TRMT11: variants seen among roughly 807,000 people sequenced by gnomAD.
TRMT11 encodes tRNA methyltransferase 11.
TRMT11 carries 53 observed loss-of-function variants against 62.8 expected under a neutral mutation model. That is an observed-to-expected ratio of 0.84 (90% CI 0.68 to 1.06). TRMT11 has a LOEUF of 1.06. Among genes scored for constraint, TRMT11 ranks in the 50% least tolerant of loss-of-function variants. The pLI is 0.00. For synonymous variants in TRMT11, 188 were observed against 190.3 expected, an observed-to-expected ratio of 0.99 and a Z score of 0.10; for missense variants, 556 against 553.4, an observed-to-expected ratio of 1.00 and a Z score of -0.05.
In TRMT11 at chr6:125,995,964, T is replaced by A. The variant is rs949766398; in HGVS notation, c.139-3T>A. 6.3e-7 allele frequency: 1 copy of A among 1,592,206 alleles called. No homozygotes were observed. The highest frequency in any genetic ancestry group is 1.3e-5 in the African/African-American group (1 of 74,472). ...TTAAGTTGCATATTGTTATTTCTTT[T>A]AGTCACCATTTTGGATTCTTAGCAT... On this transcript the variant is annotated splice_region_variant and splice_polypyrimidine_tract_variant and intron_variant, in intron 2 of 12. Coordinates refer to ENST00000334379, the MANE Select transcript of TRMT11 (RefSeq NM_001031712.3).
the TRMT11 span, among the ~76,000 whole-genome samples, chr6:126,214,942 GT>G: frequency 3.3e-5 from 5 of 151,784 alleles, no homozygotes; most frequent in African/African-American, 1.2e-4. Flanking sequence ...ATTGTCATTT[GT>G]TTCAAGAAAT....
chr6:126,035,820 C>T (rs368245462), intron 12 of TRMT11, among the ~76,000 whole-genome samples: 7 of 151,986 alleles, frequency 4.6e-5, no homozygotes, highest in African/African-American at 1.7e-4. Flanking sequence ...TCTTTATATT[C>T]TCTGATTTTA....
chr6:126,022,700 C>G (rs1796008562), intron 12 of TRMT11, among the ~76,000 whole-genome samples: 2 of 152,106 alleles, frequency 1.3e-5, no homozygotes, highest in Admixed American at 6.5e-5. Flanking sequence ...CATAAACTAT[C>G]TTCTGTAATC....
the TRMT11 span, among the ~76,000 whole-genome samples, chr6:126,250,562 C>A: frequency 6.6e-6 from 1 of 152,122 alleles, no homozygotes; most frequent in Non-Finnish European, 1.5e-5. Context: ...TTCTCCTTTT[C>A]ATTTTGGATG....
the TRMT11 span, among the ~76,000 whole-genome samples, chr6:126,236,540 C>G: frequency 6.6e-6 from 1 of 152,118 alleles, no homozygotes; most frequent in African/African-American, 2.4e-5. Context: ...GACACGAATT[C>G]TTTCTAATCA....
intron 21 of TRMT11, among the ~76,000 whole-genome samples, chr6:126,149,885 G>A (rs2128220673): frequency 6.6e-6 from 1 of 152,352 alleles, no homozygotes; most frequent in African/African-American, 2.4e-5. Flanking sequence ...AAAGATAAAA[G>A]TGGACTGTGT....
At chr6:126,228,715 G>A in the TRMT11 span, among the ~76,000 whole-genome samples, 1 of 152,196 alleles carries the variant, frequency 6.6e-6, no homozygotes, top group Non-Finnish European at 1.5e-5. Context: ...CAAGGATGGT[G>A]TAGTCTTATT....
chr6:125,999,126 G>A (rs1792073072), intron 6 of TRMT11, among the ~76,000 whole-genome samples: 1 of 152,114 alleles, frequency 6.6e-6, no homozygotes, highest in African/African-American at 2.4e-5. Flanking sequence ...TGGGTGATTG[G>A]AAGCTGTGAG....
chr6:126,148,621 A>T (rs1055403064), intron 21 of TRMT11, among the ~76,000 whole-genome samples: 20 of 152,180 alleles, frequency 1.3e-4, no homozygotes, highest in Admixed American at 1.3e-3. Flanking sequence ...AGTAAAACTA[A>T]TAATAGTATT....
upstream of TRMT11, among the ~76,000 whole-genome samples, chr6:126,175,694 CTTAGTTACTA>C: frequency 6.6e-6 from 1 of 152,134 alleles, no homozygotes; most frequent in Non-Finnish European, 1.5e-5. Flanking sequence ...AGGCATTTTA[CTTAGTTACTA>C]TTAGAAAGCA....
downstream of TRMT11, among the ~76,000 whole-genome samples, chr6:126,040,270 TA>T (rs1775836245): frequency 6.6e-6 from 1 of 152,072 alleles, no homozygotes; most frequent in Admixed American, 6.6e-5. Context: ...ATCCAACACT[TA>T]AAAAATATTT....
intron 17 of TRMT11, among the ~76,000 whole-genome samples, chr6:126,068,132 G>A (rs562182927): frequency 1.3e-5 from 2 of 151,988 alleles, no homozygotes; most frequent in African/African-American, 2.4e-5. Flanking sequence ...AAAGTCTTTG[G>A]CTCATTTTTC....
chr6:126,202,554 G>A (rs550151116), downstream of TRMT11, among the ~76,000 whole-genome samples: 8 of 152,188 alleles, frequency 5.3e-5, no homozygotes, highest in East Asian at 1.5e-3. Flanking sequence ...ATAGAAAAGG[G>A]AGAGATTGAA....
intron 1 of TRMT11, among the ~76,000 whole-genome samples, chr6:126,177,905 C>T (rs1194082785): frequency 6.6e-6 from 1 of 152,086 alleles, no homozygotes; most frequent in Non-Finnish European, 1.5e-5. Context: ...AAGTATCCAT[C>T]CCCTTTCCCT....
intron 21 of TRMT11, among the ~76,000 whole-genome samples, chr6:126,119,173 TA>T (rs3216065): frequency 0.1 from 15,676 of 152,096 alleles, 1,001 homozygotes; most frequent in African/African-American, 0.19. Flanking sequence ...AATCACTAGA[TA>T]AACATGTGAA....
intron 17 of TRMT11, among the ~76,000 whole-genome samples, chr6:126,106,774 T>A (rs1281542448): frequency 6.6e-6 from 1 of 152,194 alleles, no homozygotes; most frequent in East Asian, 1.9e-4. Context: ...AGGGCTGGCA[T>A]ATATTAAGTA....
intron 17 of TRMT11, among the ~76,000 whole-genome samples, chr6:126,061,560 T>C (rs1776536462): frequency 7.5e-6 from 1 of 133,358 alleles, no homozygotes; most frequent in African/African-American, 2.9e-5. Context: ...TTTTTTTTTT[T>C]AGCTATTAAT....
Position 126,122,665 on chromosome 6 carries a change from T to A in TRMT11, c.*1823+6810T>A, listed in dbSNP as rs372119655. On this transcript the variant is annotated intron_variant and NMD_transcript_variant, in intron 21 of 22. Coordinates refer to the TRMT11 transcript ENST00000648977. ...CCACTCATTCTCTTAGCTTTAGATCTTACCCTTTTTGTCCAGGCATATTTC... is the reference window on the plus strand; with the variant it reads ...CCACTCATTCTCTTAGCTTTAGATCATACCCTTTTTGTCCAGGCATATTTC... Among the ~76,000 whole-genome samples, 8 of 152,272 alleles carry A rather than the reference T, an allele frequency of 5.3e-5. No homozygotes were observed. In the East Asian group the frequency reaches 9.7e-4, roughly 18 times the overall value.
At chr6:126,251,974 C>A in the TRMT11 span, among the ~76,000 whole-genome samples, 2 of 152,184 alleles carry the variant, frequency 1.3e-5, no homozygotes, top group African/African-American at 4.8e-5. Context: ...CCACATTAGG[C>A]TTTCGATAAA....
Sources: allele counts gnomAD v4.1 joint callset (sites outside exome capture counted in the v4.1 genomes callset), GRCh38; gene constraint gnomAD v4.1.1; transcripts MANE v1.5; gene names NCBI Gene and HGNC (gene_info 2026-07-23, HGNC 2026-07-21).